The following NRG2 variants were observed in gnomAD, a reference collection of about 807,000 sequenced individuals.
NRG2 encodes the protein neuregulin 2.
In NRG2, 27 loss-of-function variants were observed where a neutral mutation model predicts 73.9. The observed-to-expected ratio is 0.37, with a 90% confidence interval of 0.27 to 0.50. NRG2 has a LOEUF of 0.50. Among genes scored for constraint, NRG2 ranks in the 20% least tolerant of loss-of-function variants. The probability of loss-of-function intolerance (pLI) is 0.96; values close to 1 mark genes in which losing one functional copy is unlikely to be tolerated. For missense variants in NRG2, 1,126 were observed against 1,210.1 expected (o/e 0.93, Z 1.03); for synonymous variants, 532 against 541.0 (o/e 0.98, Z 0.23).
rs901104530 is a variant in NRG2, at chr5:139,968,061, T to G, written c.700+74309A>C. Among the ~76,000 whole-genome samples the G allele has an allele frequency of 4.4e-4, 67 of 152,258 alleles. 2 individuals are homozygous for G. The highest frequency in any genetic ancestry group is 4.4e-5 in the Non-Finnish European group (3 of 68,010). ...ACTCAAGCCCCTTCCAGAGTTTCAT[T>G]CCAGGGGGAGGAGGCCATGCTGACC... On this transcript the variant is annotated intron_variant, in intron 1 of 9. Coordinates refer to ENST00000361474, the MANE Select transcript of NRG2 (RefSeq NM_004883.3).
chr5:139,909,228 G>A (rs147543299), intron 1 of NRG2, among the ~76,000 whole-genome samples: 1 of 152,276 alleles, frequency 6.6e-6, no homozygotes, highest in East Asian at 1.9e-4. Flanking sequence ...CCACTTTGAG[G>A]CTGTGCCATG....
chr5:140,029,708 C>T (rs1289446752), intron 1 of NRG2, among the ~76,000 whole-genome samples: 3 of 116,558 alleles, frequency 2.6e-5, no homozygotes, highest in Non-Finnish European at 5.8e-5. Context: ...AAAAAAGCTC[C>T]AGCGTGCAGC....
At chr5:139,908,102 C>T (rs1480378932) in intron 1 of NRG2, among the ~76,000 whole-genome samples, 11 of 152,356 alleles carry the variant, frequency 7.2e-5, no homozygotes, top group Middle Eastern at 3.4e-3. Flanking sequence ...GCAAGGACTC[C>T]GGCCTTCGCC....
chr5:139,952,904 G>A (rs1485336304), intron 1 of NRG2, among the ~76,000 whole-genome samples: 2 of 152,200 alleles, frequency 1.3e-5, no homozygotes, highest in Non-Finnish European at 2.9e-5. Context: ...GATGTGCGCC[G>A]GCCAGATGGA....
At position 139,967,506 on chromosome 5, in the gene NRG2, C is replaced by T. The variant is rs192907258; in HGVS notation, c.700+74864G>A. 3.8e-3 allele frequency among the ~76,000 whole-genome samples: 573 copies of T among 152,266 alleles called. 2 individuals are homozygous for T. The highest frequency in any genetic ancestry group is 6.0e-3 in the Non-Finnish European group (405 of 68,032). On this transcript the variant is annotated intron_variant, in intron 1 of 9. Coordinates refer to ENST00000361474, the MANE Select transcript of NRG2 (RefSeq NM_004883.3). The stretch of plus-strand genomic sequence containing the variant: ...CGCTGCTGCCGTGCACAAGGTGGGC[C>T]CACGAGAGGGCAGTTGGTGGCCAGG...
At chr5:139,878,762 T>C (rs1226017149) in intron 3 of NRG2, among the ~76,000 whole-genome samples, 1 of 152,182 alleles carries the variant, frequency 6.6e-6, no homozygotes, top group East Asian at 1.9e-4. Flanking sequence ...AGGTGGCAGG[T>C]GCTAGACCCC....
At chr5:139,991,395 C>T (rs953942211) in intron 1 of NRG2, among the ~76,000 whole-genome samples, 4 of 152,082 alleles carry the variant, frequency 2.6e-5, no homozygotes, top group African/African-American at 7.2e-5. Flanking sequence ...AGACAATCAC[C>T]TATATTTTCT....
chr5:139,855,886 G>T, intron 5 of NRG2, 108 bp from the exon 6 acceptor site: 2 of 782,670 alleles, frequency 2.6e-6, no homozygotes, highest in Non-Finnish European at 2.2e-6. Context: ...CCCAGCTCAG[G>T]TCCTGCCCAG....
chr5:139,908,918 A>G (rs112288034), intron 1 of NRG2, among the ~76,000 whole-genome samples: 60 of 152,302 alleles, frequency 3.9e-4, no homozygotes, highest in African/African-American at 1.4e-3. Context: ...AGGCATCTGG[A>G]GCACCTCTGG....
chr5:139,953,053 G>A (rs912336024), intron 1 of NRG2, among the ~76,000 whole-genome samples: 1 of 151,842 alleles, frequency 6.6e-6, no homozygotes, highest in East Asian at 1.9e-4. Flanking sequence ...AAAGAGAGAA[G>A]AAGAAAGAGC....
chr5:139,984,018 G>T (rs545630865), intron 1 of NRG2, among the ~76,000 whole-genome samples: 3 of 152,162 alleles, frequency 2.0e-5, no homozygotes, highest in Non-Finnish European at 4.4e-5. Context: ...CAATGGGCAT[G>T]CAAGAATTTA....
At chr5:140,011,609 G>A (rs969126715) in intron 1 of NRG2, among the ~76,000 whole-genome samples, 48 of 152,196 alleles carry the variant, frequency 3.2e-4, no homozygotes, top group African/African-American at 1.1e-3. Flanking sequence ...ATGTGGCAGG[G>A]AACTGATGCC....
intron 1 of NRG2, among the ~76,000 whole-genome samples, chr5:139,997,650 T>C (rs1758123471): frequency 6.6e-6 from 1 of 152,124 alleles, no homozygotes; most frequent in Non-Finnish European, 1.5e-5. Context: ...ATAGCAGAAA[T>C]AGATAGAAAC....
rs1340687785 is a variant in NRG2, at chr5:140,042,469, T to C, written c.601A>G (p.Thr201Ala). 6.2e-7 allele frequency: 1 copy of C among 1,613,500 alleles called. No individual in the cohort carries two copies. Among genetic ancestry groups the C allele is most frequent in the South Asian group, 1.1e-5 (1 of 90,970 alleles). ...GTCTTAAAGACTAAGGGCTGTTCCG[T>C]GGGCTCCAGGAAAAAGATGTAGCGC... ...NQRYIFFLEP[T>A]EQPLVFKTAF... The change falls in exon 1 of 10, where the codon ACG becomes GCG. Residue 201 changes from threonine to alanine, a missense_variant. Transcript: ENST00000361474.
intron 1 of NRG2, among the ~76,000 whole-genome samples, chr5:139,937,916 G>A (rs67271177): frequency 0.049 from 7,415 of 152,014 alleles, 375 homozygotes; most frequent in African/African-American, 0.13. Flanking sequence ...ACTACACACC[G>A]AAAACTATGA....
At chr5:139,937,990 G>C (rs1408655765) in intron 1 of NRG2, among the ~76,000 whole-genome samples, 2 of 152,178 alleles carry the variant, frequency 1.3e-5, no homozygotes, top group Non-Finnish European at 2.9e-5. Context: ...AAGGCAGGAG[G>C]ATTGCTTGAG....
intron 1 of NRG2, among the ~76,000 whole-genome samples, chr5:140,010,018 C>T (rs1234866140): frequency 3.3e-5 from 5 of 152,084 alleles, no homozygotes; most frequent in Non-Finnish European, 7.4e-5. Context: ...CTGTATGAGG[C>T]CGGGCACAGT....
At position 139,933,126 on chromosome 5, in the gene NRG2, A is replaced by C. The variant is rs140490014; in HGVS notation, c.701-45615T>G. ...CCTGTCTCTACTAAAAATACAAAAA[A>C]TAGCCGAGCATGGTGGCACCTGCCT... On this transcript the variant is annotated intron_variant, in intron 1 of 9. Transcript: ENST00000361474. 3.5e-3 allele frequency among the ~76,000 whole-genome samples: 537 copies of C among 152,136 alleles called. 3 individuals carry two copies. The highest frequency in any genetic ancestry group is 0.012 in the African/African-American group (507 of 41,524).
chr5:139,974,404 G>A (rs1032259814), intron 1 of NRG2, among the ~76,000 whole-genome samples: 30 of 152,112 alleles, frequency 2.0e-4, no homozygotes, highest in Non-Finnish European at 4.3e-4. Flanking sequence ...AAAGGCACAA[G>A]CCACACCAGT....
Sources: gnomAD v4.1 joint callset for allele counts (sites outside exome capture counted in the v4.1 genomes callset) on GRCh38, gnomAD v4.1.1 for gene constraint, MANE v1.5 for transcripts, NCBI Gene and HGNC (gene_info 2026-07-23, HGNC 2026-07-21) for gene names.